Variants in ANKS1B observed in about 807,000 individuals in gnomAD.
The protein encoded by ANKS1B is ankyrin repeat and sterile alpha motif domain containing 1B.
Under a neutral mutation model 148.3 loss-of-function variants are expected in ANKS1B, and 36 were observed. The observed-to-expected ratio is 0.24, with a 90% CI of 0.19 to 0.32. The LOEUF (loss-of-function observed/expected upper bound fraction) is 0.32. Among genes scored for constraint, ANKS1B ranks in the 10% least tolerant of loss-of-function variants. The pLI, the probability that ANKS1B is intolerant of heterozygous loss-of-function variation, is 1.00. For synonymous variants in ANKS1B, 542 were observed against 560.8 expected (o/e 0.97, Z 0.47); for missense variants, 1,157 against 1,542.6 (o/e 0.75, Z 4.19).
chr12:99,298,038 A>G (rs2081131334), intron 12 of ANKS1B, among the ~76,000 whole-genome samples: 1 of 152,076 alleles, frequency 6.6e-6, no homozygotes, highest in Admixed American at 6.6e-5. Context: ...TTGAATGAAG[A>G]CCACTGGCTC....
intron 12 of ANKS1B, among the ~76,000 whole-genome samples, chr12:99,293,925 TACTC>T (rs1488659165): frequency 1.3e-5 from 2 of 152,214 alleles, no homozygotes; most frequent in Non-Finnish European, 2.9e-5. Context: ...TGTGAAAAGA[TACTC>T]AACAACACTG....
At chr12:99,092,462 G>A (rs1385418818) in intron 15 of ANKS1B, among the ~76,000 whole-genome samples, 1 of 125,114 alleles carries the variant, frequency 8.0e-6, no homozygotes, top group Admixed American at 9.2e-5. Flanking sequence ...ATCACAAGCT[G>A]TGAAGCTGAA....
At chr12:99,612,265 C>T (rs1389869650) in intron 9 of ANKS1B, among the ~76,000 whole-genome samples, 1 of 152,082 alleles carries the variant, frequency 6.6e-6, no homozygotes, top group Non-Finnish European at 1.5e-5. Context: ...TTTTATTTGA[C>T]ATAGTGTCAC....
At chr12:99,887,110 C>T (rs530587694) in intron 1 of ANKS1B, among the ~76,000 whole-genome samples, 19 of 152,244 alleles carry the variant, frequency 1.2e-4, no homozygotes, top group African/African-American at 4.3e-4. Flanking sequence ...TCCCACCCTC[C>T]TTGATGGGTC....
At chr12:99,501,021 CTCAT>C (rs2096650233) in intron 10 of ANKS1B, among the ~76,000 whole-genome samples, 1 of 152,126 alleles carries the variant, frequency 6.6e-6, no homozygotes, top group African/African-American at 2.4e-5. Context: ...TGCTGTTCCA[CTCAT>C]TCATTGAGTT....
At chr12:99,589,396 G>T (rs1049822872) in intron 9 of ANKS1B, among the ~76,000 whole-genome samples, 1 of 152,032 alleles carries the variant, frequency 6.6e-6, no homozygotes, top group Admixed American at 6.6e-5. Context: ...CCCTTCCCCA[G>T]GATTTTCAAT....
intron 12 of ANKS1B, among the ~76,000 whole-genome samples, chr12:99,300,923 A>C (rs185429408): frequency 5.6e-4 from 85 of 152,320 alleles, no homozygotes; most frequent in African/African-American, 1.9e-3. Context: ...GAGGATATTT[A>C]TTATGGGAAT....
At chr12:98,951,525 T>C (rs1217852341) in intron 17 of ANKS1B, among the ~76,000 whole-genome samples, 1 of 152,182 alleles carries the variant, frequency 6.6e-6, no homozygotes. Context: ...GCCCTCCCGG[T>C]GTTCTGCTGT....
chr12:99,441,825 T>C (rs1283740435), intron 11 of ANKS1B, among the ~76,000 whole-genome samples: 2 of 151,926 alleles, frequency 1.3e-5, no homozygotes, highest in Admixed American at 1.3e-4. Context: ...TCTTCAAAGA[T>C]AACCAGGTGA....
intron 14 of ANKS1B, among the ~76,000 whole-genome samples, chr12:99,157,823 T>C (rs2076235723): frequency 6.6e-6 from 1 of 152,168 alleles, no homozygotes; most frequent in Admixed American, 6.6e-5. Context: ...AATAAAATTA[T>C]ATATTACAAA....
intron 17 of ANKS1B, among the ~76,000 whole-genome samples, chr12:98,840,161 T>C (rs1234417122): frequency 6.6e-6 from 1 of 152,200 alleles, no homozygotes; most frequent in African/African-American, 2.4e-5. Flanking sequence ...TCATTCCGTT[T>C]CTACTCTCAA....
intron 10 of ANKS1B, among the ~76,000 whole-genome samples, chr12:99,480,219 CA>C (rs2096389073): frequency 6.6e-6 from 1 of 151,824 alleles, no homozygotes; most frequent in South Asian, 2.1e-4. Context: ...TGTTTCAACA[CA>C]ACTCTTTGTG....
At chr12:99,200,135 T>A (rs553022674) in intron 14 of ANKS1B, among the ~76,000 whole-genome samples, 1 of 152,318 alleles carries the variant, frequency 6.6e-6, no homozygotes, top group East Asian at 1.9e-4. Flanking sequence ...ACAAAAGTGG[T>A]TCCTGCAAAA....
chr12:99,406,227 T>C (rs2094529063), intron 11 of ANKS1B, among the ~76,000 whole-genome samples: 1 of 145,176 alleles, frequency 6.9e-6, no homozygotes, highest in Non-Finnish European at 1.5e-5. Flanking sequence ...TACATTCTTC[T>C]CCTTAGTACA....
At chr12:99,417,124 A>G (rs2094932601) in intron 11 of ANKS1B, among the ~76,000 whole-genome samples, 2 of 152,238 alleles carry the variant, frequency 1.3e-5, no homozygotes, top group Admixed American at 1.3e-4. Flanking sequence ...TATCAAGTAT[A>G]AGAACTCTTT....
intron 6 of ANKS1B, among the ~76,000 whole-genome samples, chr12:99,779,090 A>AG (rs2063985663): frequency 6.6e-6 from 1 of 152,228 alleles, no homozygotes; most frequent in South Asian, 2.1e-4. Context: ...ATCACCAAAC[A>AG]GGAAGAGAAA....
intron 9 of ANKS1B, among the ~76,000 whole-genome samples, chr12:99,551,029 C>A (rs2097212868): frequency 6.6e-6 from 1 of 152,158 alleles, no homozygotes; most frequent in African/African-American, 2.4e-5. Context: ...CATCCTACTA[C>A]CAGCTCTACT....
intron 1 of ANKS1B, among the ~76,000 whole-genome samples, chr12:99,930,840 T>C (rs1270152402): frequency 6.6e-6 from 1 of 152,192 alleles, no homozygotes; most frequent in Non-Finnish European, 1.5e-5. Flanking sequence ...ATCCCATTAC[T>C]GGGTATATAC....
intron 8 of ANKS1B, among the ~76,000 whole-genome samples, chr12:99,681,846 C>T (rs2098620387): frequency 6.6e-6 from 1 of 152,146 alleles, no homozygotes; most frequent in African/African-American, 2.4e-5. Flanking sequence ...AGAAATCTCT[C>T]AATTGCCAGG....
Sources: gnomAD v4.1 joint callset for allele counts (sites outside exome capture counted in the v4.1 genomes callset) on GRCh38, gnomAD v4.1.1 for gene constraint, MANE v1.5 for transcripts, NCBI Gene and HGNC (gene_info 2026-07-23, HGNC 2026-07-21) for gene names.